RHOJ: variants seen among roughly 807,000 people sequenced by gnomAD.
The protein encoded by RHOJ is rho-related GTP-binding protein RhoJ.
In RHOJ, 11 loss-of-function variants were observed where a neutral mutation model predicts 23.4. The ratio of observed to expected loss-of-function variants is 0.47; its 90% CI spans 0.30 to 0.78. The LOEUF is 0.78. Ranked by LOEUF, RHOJ falls within the 30% of genes least tolerant of loss-of-function variation. The probability of loss-of-function intolerance (pLI) is 0.08; values close to 1 mark genes in which losing one functional copy is unlikely to be tolerated. For synonymous variants in RHOJ, 102 were observed against 102.7 expected, an observed-to-expected ratio of 0.99 and a Z score of 0.04; for missense variants, 254 against 273.4, an observed-to-expected ratio of 0.93 and a Z score of 0.50.
At chr14:63,285,045 T>C (rs977433629) in intron 4 of RHOJ, among the ~76,000 whole-genome samples, 1 of 152,214 alleles carries the variant, frequency 6.6e-6, no homozygotes, top group African/African-American at 2.4e-5. Flanking sequence ...TCACAATTCA[T>C]GTAATTATAG....
At chr14:63,251,431 C>T (rs1895069706) in intron 1 of RHOJ, among the ~76,000 whole-genome samples, 1 of 152,196 alleles carries the variant, frequency 6.6e-6, no homozygotes, top group Non-Finnish European at 1.5e-5. Flanking sequence ...CTTCTCTTTA[C>T]AAAAACCCAT....
chr14:63,287,669 T>C (rs1209263553), intron 4 of RHOJ, among the ~76,000 whole-genome samples: 2 of 152,098 alleles, frequency 1.3e-5, no homozygotes, highest in African/African-American at 4.8e-5. Context: ...GCTTTTGAGA[T>C]AATAAGTTTT....
At chr14:63,233,777 C>T (rs1894738688) in intron 1 of RHOJ, among the ~76,000 whole-genome samples, 3 of 152,270 alleles carry the variant, frequency 2.0e-5, no homozygotes, top group Middle Eastern at 6.8e-3. Flanking sequence ...CCTGGCTTCT[C>T]GCTTGGGACT....
At chr14:63,283,370 G>A (rs1235923938) in intron 4 of RHOJ, 154 bp downstream of exon 4, 15 of 640,534 alleles carry the variant, frequency 2.3e-5, no homozygotes, top group South Asian at 1.2e-4. Flanking sequence ...TGTTCTAGTC[G>A]GGCTGGAAGG....
At chr14:63,262,626 C>T (rs1274409118) in intron 1 of RHOJ, among the ~76,000 whole-genome samples, 1 of 152,228 alleles carries the variant, frequency 6.6e-6, no homozygotes, top group Non-Finnish European at 1.5e-5. Flanking sequence ...TGACCACTGT[C>T]TGCCAGGCAG....
At chr14:63,279,925 T>C (rs1167728230) in intron 2 of RHOJ, among the ~76,000 whole-genome samples, 1 of 152,226 alleles carries the variant, frequency 6.6e-6, no homozygotes, top group Non-Finnish European at 1.5e-5. Context: ...AATTTAAATA[T>C]AGTATATTCA....
At chr14:63,258,151 C>T (rs1010844192) in intron 1 of RHOJ, among the ~76,000 whole-genome samples, 23 of 149,150 alleles carry the variant, frequency 1.5e-4, no homozygotes, top group African/African-American at 5.2e-4. Flanking sequence ...TCGCTTGAAC[C>T]CGGGAGGTGG....
chr14:63,209,514 G>A (rs1261373758), intron 1 of RHOJ, among the ~76,000 whole-genome samples: 2 of 152,026 alleles, frequency 1.3e-5, no homozygotes, highest in East Asian at 3.9e-4. Flanking sequence ...AGCTTCAATT[G>A]ACCACATTAT....
At chr14:63,274,552 A>C (rs1424875925) in intron 2 of RHOJ, among the ~76,000 whole-genome samples, 1 of 152,166 alleles carries the variant, frequency 6.6e-6, no homozygotes, top group African/African-American at 2.4e-5. Flanking sequence ...AGGGTAGGGA[A>C]ATGCTTCCAG....
At chr14:63,284,438 C>A in intron 4 of RHOJ, 2 of 776,158 alleles carry the variant, frequency 2.6e-6, no homozygotes, top group Non-Finnish European at 3.1e-6. Flanking sequence ...CCCTCTTAAG[C>A]AGATAGCGTT....
chr14:63,281,696 G>A (rs186637900), intron 3 of RHOJ, among the ~76,000 whole-genome samples: 6 of 152,258 alleles, frequency 3.9e-5, no homozygotes, highest in African/African-American at 1.4e-4. Flanking sequence ...ACAAACCTAC[G>A]ACTGTGAAAG....
intron 4 of RHOJ, among the ~76,000 whole-genome samples, chr14:63,285,937 T>C (rs772382523): frequency 1.3e-5 from 2 of 152,232 alleles, no homozygotes; most frequent in Non-Finnish European, 2.9e-5. Flanking sequence ...CCATTTTTTC[T>C]TTTTTAATCT....
rs528925906 is a variant in RHOJ, at chr14:63,222,510, C to T, written c.178+17463C>T. 3.9e-3 allele frequency among the ~76,000 whole-genome samples: 594 copies of T among 152,194 alleles called. 12 individuals are homozygous for T. The East Asian group carries it at 0.054, about 14-fold the overall frequency. ...TGTTGTTTCCTGACTTTTTAATGATCACCATTCTAACTGGTGTGAGATGGT... is the reference window on the plus strand; with the variant it reads ...TGTTGTTTCCTGACTTTTTAATGATTACCATTCTAACTGGTGTGAGATGGT... On this transcript the variant is annotated intron_variant, in intron 1 of 4. Coordinates refer to ENST00000316754, the MANE Select transcript of RHOJ (RefSeq NM_020663.5).
intron 1 of RHOJ, 85 bp from the exon 2 acceptor site, chr14:63,269,025 G>A: frequency 1.1e-6 from 1 of 912,732 alleles, no homozygotes; most frequent in Non-Finnish European, 1.8e-6. Context: ...CCAAGGAGAT[G>A]CTGGCATGGA....
intron 1 of RHOJ, among the ~76,000 whole-genome samples, chr14:63,207,918 C>T (rs1247995872): frequency 2.6e-5 from 4 of 152,050 alleles, no homozygotes; most frequent in African/African-American, 7.2e-5. Flanking sequence ...ATTAAGAATA[C>T]AGTCTCGATA....
At chr14:63,284,636 C>T (rs994766129) in intron 4 of RHOJ, among the ~76,000 whole-genome samples, 1 of 152,172 alleles carries the variant, frequency 6.6e-6, no homozygotes, top group Admixed American at 6.5e-5. Flanking sequence ...TCTACCTTCT[C>T]CTCAAACATT....
intron 1 of RHOJ, among the ~76,000 whole-genome samples, chr14:63,261,917 A>G (rs1895279614): frequency 6.6e-6 from 1 of 152,184 alleles, no homozygotes; most frequent in South Asian, 2.1e-4. Flanking sequence ...CGCTATATCC[A>G]GAATCTAGTG....
At chr14:63,206,192 T>C (rs1404321936) in intron 1 of RHOJ, among the ~76,000 whole-genome samples, 5 of 152,182 alleles carry the variant, frequency 3.3e-5, no homozygotes, top group Non-Finnish European at 7.3e-5. Flanking sequence ...ACTTACATGA[T>C]GTATGAAAAT....
chr14:63,218,909 G>A (rs1894423265), intron 1 of RHOJ, among the ~76,000 whole-genome samples: 1 of 152,190 alleles, frequency 6.6e-6, no homozygotes, highest in African/African-American at 2.4e-5. Context: ...AGTTCCTCAA[G>A]TAATTTCCAA....
Sources: allele counts gnomAD v4.1 joint callset (sites outside exome capture counted in the v4.1 genomes callset), GRCh38; gene constraint gnomAD v4.1.1; transcripts MANE v1.5; gene names NCBI Gene and HGNC (gene_info 2026-07-23, HGNC 2026-07-21).